Variants in AP3B1 observed in about 807,000 individuals in gnomAD.
The protein encoded by AP3B1 is AP-3 complex subunit beta-1.
In AP3B1, 61 loss-of-function variants were observed where a neutral mutation model predicts 132.5. That is an observed-to-expected ratio of 0.46 (90% CI 0.37 to 0.57). AP3B1 has a LOEUF of 0.57. AP3B1 is among the 20% of genes least tolerant of loss of function. AP3B1 has a pLI of 0.00. For missense variants in AP3B1, 1,120 were observed against 1,289.4 expected, an observed-to-expected ratio of 0.87 and a Z score of 2.01; for synonymous variants, 388 against 438.3, an observed-to-expected ratio of 0.89 and a Z score of 1.43.
chr5:78,283,381 C>CTTATTT (rs1561220679), intron 1 of AP3B1, among the ~76,000 whole-genome samples: 2 of 151,956 alleles, frequency 1.3e-5, no homozygotes, highest in African/African-American at 4.8e-5. Context: ...TTCGCCCTTT[C>CTTATTT]CTTATACCTT....
intron 17 of AP3B1, among the ~76,000 whole-genome samples, chr5:78,119,518 A>C (rs979182349): frequency 2.0e-5 from 3 of 152,228 alleles, no homozygotes; most frequent in African/African-American, 7.2e-5. Context: ...GCTGAAAGCC[A>C]AGGCTCGAGA....
At chr5:78,124,377 A>C (rs1426396075) in intron 17 of AP3B1, among the ~76,000 whole-genome samples, 4 of 152,060 alleles carry the variant, frequency 2.6e-5, no homozygotes, top group East Asian at 3.9e-4. Flanking sequence ...CACACACACA[A>C]AATCTCCATA....
At chr5:78,051,597 C>T (rs1580284786) in intron 22 of AP3B1, among the ~76,000 whole-genome samples, 1 of 152,228 alleles carries the variant, frequency 6.6e-6, no homozygotes, top group East Asian at 1.9e-4. Context: ...GATGACATTT[C>T]CACGTAAAGC....
chr5:78,114,072 C>T, intron 18 of AP3B1, 149 bp from the exon 19 acceptor site: 1 of 880,160 alleles, frequency 1.1e-6, no homozygotes, highest in Non-Finnish European at 1.7e-6. Flanking sequence ...TTCCCACACC[C>T]CATTCTTTCA....
At chr5:78,013,967 T>C (rs1282086579) in intron 26 of AP3B1, among the ~76,000 whole-genome samples, 1 of 152,060 alleles carries the variant, frequency 6.6e-6, no homozygotes, top group Admixed American at 6.5e-5. Context: ...ATCGAGACCA[T>C]CCTGGCTAAC....
At chr5:78,086,211 T>C (rs1241416427) in intron 22 of AP3B1, among the ~76,000 whole-genome samples, 1 of 152,204 alleles carries the variant, frequency 6.6e-6, no homozygotes, top group Non-Finnish European at 1.5e-5. Context: ...GTAATTTTCA[T>C]GTTTCAGCAT....
downstream of AP3B1, chr5:78,000,875 T>G (rs1746186243): frequency 6.6e-6 from 1 of 152,206 alleles, no homozygotes; most frequent in Admixed American, 6.5e-5. Flanking sequence ...AACCTTTAAC[T>G]TGGGGCTTTG....
chr5:78,213,007 A>G (rs1159615091), intron 7 of AP3B1, among the ~76,000 whole-genome samples: 1 of 151,850 alleles, frequency 6.6e-6, no homozygotes, highest in Non-Finnish European at 1.5e-5. Context: ...CCTCCCAAGT[A>G]GCTGGGACTA....
At chr5:78,004,483 G>A (rs1395196645) in intron 26 of AP3B1, among the ~76,000 whole-genome samples, 1 of 151,744 alleles carries the variant, frequency 6.6e-6, no homozygotes, top group African/African-American at 2.4e-5. Context: ...TTCTTTTTTG[G>A]GTTTTTTAAA....
At chr5:78,252,438 GC>G (rs1747677996) in intron 2 of AP3B1, among the ~76,000 whole-genome samples, 1 of 152,180 alleles carries the variant, frequency 6.6e-6, no homozygotes, top group African/African-American at 2.4e-5. Flanking sequence ...CATGTCCTGG[GC>G]CAGAAGGGAG....
intron 11 of AP3B1, 60 bp from the exon 12 acceptor site, chr5:78,165,732 T>C (rs1580431618): frequency 9.8e-6 from 11 of 1,122,742 alleles, no homozygotes; most frequent in Admixed American, 1.8e-5. Flanking sequence ...ATGAATTTAA[T>C]AGAGTACAGA....
At chr5:78,157,208 C>T (rs2112358884) in intron 13 of AP3B1, among the ~76,000 whole-genome samples, 1 of 152,182 alleles carries the variant, frequency 6.6e-6, no homozygotes, top group South Asian at 2.1e-4. Flanking sequence ...CTGGTAACTG[C>T]TCCTGCTCCT....
intron 1 of AP3B1, 98 bp from the exon 2 acceptor site, chr5:78,267,693 G>T: frequency 1.3e-6 from 1 of 751,402 alleles, no homozygotes; most frequent in Non-Finnish European, 2.1e-6. Flanking sequence ...AATATCATGG[G>T]CAATGTTAAA....
chr5:78,076,366 G>A (rs1749767314), intron 22 of AP3B1, among the ~76,000 whole-genome samples: 1 of 152,170 alleles, frequency 6.6e-6, no homozygotes, highest in African/African-American at 2.4e-5. Flanking sequence ...ATTGGCATAT[G>A]TGTAGTAAGG....
chr5:78,039,327 T>G (rs1045693676), intron 22 of AP3B1, 53 bp from the exon 23 acceptor site: 75 of 1,375,700 alleles, frequency 5.5e-5, no homozygotes, highest in Non-Finnish European at 7.8e-5. Context: ...ATAATTATTC[T>G]TTTAGAAAAT....
intron 11 of AP3B1, among the ~76,000 whole-genome samples, chr5:78,170,562 G>A (rs1201963490): frequency 6.6e-6 from 1 of 152,142 alleles, no homozygotes; most frequent in Admixed American, 6.5e-5. Context: ...CTTCTTTTGA[G>A]AAGTGTCTGT....
intron 2 of AP3B1, 131 bp from the exon 3 acceptor site, chr5:78,241,067 A>T (rs767207370): frequency 5.0e-5 from 33 of 658,012 alleles, no homozygotes; most frequent in Non-Finnish European, 8.7e-5. Flanking sequence ...AACTATTTAC[A>T]GCAAATAATA....
chr5:78,085,596 T>C (rs1231575938), intron 22 of AP3B1, among the ~76,000 whole-genome samples: 1 of 152,200 alleles, frequency 6.6e-6, no homozygotes, highest in African/African-American at 2.4e-5. Context: ...ATACCATAAA[T>C]TAATTTTTCC....
At chr5:78,009,461 GA>G (rs891409764) in intron 26 of AP3B1, among the ~76,000 whole-genome samples, 25 of 137,412 alleles carry the variant, frequency 1.8e-4, no homozygotes, top group South Asian at 4.6e-4. Context: ...TGTCTTAAAA[GA>G]AAAAAAAAAA....
Sources: allele counts gnomAD v4.1 joint callset (sites outside exome capture counted in the v4.1 genomes callset), GRCh38; gene constraint gnomAD v4.1.1; transcripts MANE v1.5; gene names NCBI Gene and HGNC (gene_info 2026-07-23, HGNC 2026-07-21).